DGKB: variants seen among roughly 807,000 people sequenced by gnomAD.
DGKB encodes 90 kDa diacylglycerol kinase.
A neutral mutation model predicts 114.3 loss-of-function variants in DGKB; 67 were observed. The ratio of observed to expected loss-of-function variants is 0.59; its 90% CI spans 0.48 to 0.72. The LOEUF is 0.72. DGKB is among the 30% of genes least tolerant of loss of function. DGKB has a pLI of 0.00. For missense variants in DGKB, 907 were observed against 975.2 expected (o/e 0.93, Z 0.93); for synonymous variants, 398 against 323.1 (o/e 1.23, Z -2.49).
intron 23 of DGKB, among the ~76,000 whole-genome samples, chr7:14,271,918 C>T (rs1172003771): frequency 1.3e-5 from 2 of 152,142 alleles, no homozygotes; most frequent in Admixed American, 6.5e-5. Flanking sequence ...AGGATAAAGA[C>T]AGTAAAACTG....
chr7:14,420,707 T>G (rs1583810307), intron 21 of DGKB, among the ~76,000 whole-genome samples: 1 of 152,106 alleles, frequency 6.6e-6, no homozygotes, highest in Non-Finnish European at 1.5e-5. Context: ...CTTAAACTTC[T>G]AATTGAAGTT....
intron 21 of DGKB, among the ~76,000 whole-genome samples, chr7:14,418,862 A>G (rs1826217259): frequency 6.6e-6 from 1 of 152,000 alleles, no homozygotes; most frequent in South Asian, 2.1e-4. Context: ...GAAATTCATT[A>G]TCACAAAACT....
intron 23 of DGKB, among the ~76,000 whole-genome samples, chr7:14,215,873 T>C (rs1258858154): frequency 6.6e-6 from 1 of 152,152 alleles, no homozygotes; most frequent in Non-Finnish European, 1.5e-5. Flanking sequence ...TTAAAAAAAT[T>C]TATTTATACA....
chr7:14,757,574 A>AT, intron 3 of DGKB, 81 bp downstream of exon 3: 1 of 800,028 alleles, frequency 1.2e-6, no homozygotes, highest in Non-Finnish European at 2.1e-6. Context: ...ACACACATAC[A>AT]TTTTTCCAAG....
At chr7:14,908,133 T>C (rs954640625), upstream of DGKB, among the ~76,000 whole-genome samples, 12 of 152,214 alleles carry the variant, frequency 7.9e-5, no homozygotes, top group African/African-American at 2.9e-4. Context: ...CCTGAAAATG[T>C]CCACGTTTTA....
At chr7:14,789,754 A>G (rs1289598958) in intron 2 of DGKB, among the ~76,000 whole-genome samples, 1 of 152,148 alleles carries the variant, frequency 6.6e-6, no homozygotes, top group Non-Finnish European at 1.5e-5. Context: ...TTATGGTCTC[A>G]TACAGGCTTT....
At chr7:14,755,169 A>G (rs1288210839) in intron 3 of DGKB, among the ~76,000 whole-genome samples, 2 of 152,142 alleles carry the variant, frequency 1.3e-5, no homozygotes, top group Non-Finnish European at 2.9e-5. Flanking sequence ...CATTTCTTCA[A>G]GGAATGATTA....
chr7:14,383,029 A>T (rs535275198), intron 21 of DGKB, among the ~76,000 whole-genome samples: 1 of 152,366 alleles, frequency 6.6e-6, no homozygotes, highest in East Asian at 1.9e-4. Context: ...TAATATTTTG[A>T]CAGTTTTGAA....
intron 17 of DGKB, among the ~76,000 whole-genome samples, chr7:14,590,634 T>A (rs1468221219): frequency 6.6e-6 from 1 of 152,130 alleles, no homozygotes; most frequent in Non-Finnish European, 1.5e-5. Context: ...TCCATGCAGT[T>A]TTCCCTAGAA....
At chr7:14,674,285 T>C (rs1237814997) in intron 12 of DGKB, among the ~76,000 whole-genome samples, 1 of 152,138 alleles carries the variant, frequency 6.6e-6, no homozygotes, top group Non-Finnish European at 1.5e-5. Flanking sequence ...TTTAATTGTA[T>C]TAGGCACTAC....
chr7:14,692,520 G>A (rs1823048492), intron 9 of DGKB, among the ~76,000 whole-genome samples: 1 of 151,428 alleles, frequency 6.6e-6, no homozygotes, highest in Non-Finnish European at 1.5e-5. Flanking sequence ...TTTACATAAT[G>A]GTTTTTGTCA....
At chr7:14,604,945 G>A (rs747631613) in intron 17 of DGKB, among the ~76,000 whole-genome samples, 5 of 152,128 alleles carry the variant, frequency 3.3e-5, no homozygotes, top group Admixed American at 1.3e-4. Flanking sequence ...ACATTCTCAT[G>A]TTGATCAAGA....
chr7:14,680,126 G>A (rs555740972), intron 12 of DGKB, among the ~76,000 whole-genome samples: 3 of 151,990 alleles, frequency 2.0e-5, no homozygotes, highest in East Asian at 3.9e-4. Flanking sequence ...TTTAGTAAGA[G>A]GGCAGCCTTT....
chr7:14,265,049 C>G (rs1797289232), intron 23 of DGKB, among the ~76,000 whole-genome samples: 1 of 151,878 alleles, frequency 6.6e-6, no homozygotes, highest in Non-Finnish European at 1.5e-5. Context: ...TCAGTAAAAG[C>G]TGGAGGGACT....
chr7:14,769,123 A>AAGAAAGAAAG (rs1165314403), intron 2 of DGKB, among the ~76,000 whole-genome samples: 5 of 89,144 alleles, frequency 5.6e-5, no homozygotes, highest in Admixed American at 2.7e-4. Context: ...GAAAGAAAGA[A>AAGAAAGAAAG]AGAGAGAGAG....
At chr7:14,181,270 G>A (rs2128250528) in intron 23 of DGKB, among the ~76,000 whole-genome samples, 1 of 152,226 alleles carries the variant, frequency 6.6e-6, no homozygotes, top group Non-Finnish European at 1.5e-5. Context: ...GCCCACCTAT[G>A]CTTTAGAGAA....
intron 23 of DGKB, among the ~76,000 whole-genome samples, chr7:14,255,383 A>C (rs1380137299): frequency 6.6e-6 from 1 of 152,186 alleles, no homozygotes. Context: ...TCTTATGATG[A>C]TAAAGATCAA....
intron 17 of DGKB, 34 bp downstream of exon 17, chr7:14,607,400 G>T: frequency 9.7e-7 from 1 of 1,033,372 alleles, no homozygotes; most frequent in Non-Finnish European, 1.5e-6. Context: ...AACATTAACT[G>T]AGTTAATGGT....
At chr7:14,264,926 C>T (rs1202623009) in intron 23 of DGKB, among the ~76,000 whole-genome samples, 1 of 152,116 alleles carries the variant, frequency 6.6e-6, no homozygotes, top group Non-Finnish European at 1.5e-5. Context: ...TAATAAATAA[C>T]TGAAACAAAG....
Sources: gnomAD v4.1 joint callset for allele counts (sites outside exome capture counted in the v4.1 genomes callset) on GRCh38, gnomAD v4.1.1 for gene constraint, MANE v1.5 for transcripts, NCBI Gene and HGNC (gene_info 2026-07-23, HGNC 2026-07-21) for gene names.